The following ZAN variants were observed in gnomAD, a reference collection of about 807,000 sequenced individuals.
ZAN encodes the protein zonadhesin.
Under a neutral mutation model 286.2 loss-of-function variants are expected in ZAN, and 260 were observed. The observed-to-expected ratio is 0.91, with a 90% confidence interval of 0.82 to 1.01. ZAN has a LOEUF of 1.01. Among genes scored for constraint, ZAN ranks in the 50% least tolerant of loss-of-function variants. ZAN has a pLI of 0.00. For missense variants in ZAN, 3,410 were observed against 3,639.2 expected, an observed-to-expected ratio of 0.94 and a Z score of 1.62; for synonymous variants, 1,368 against 1,417.5, an observed-to-expected ratio of 0.97 and a Z score of 0.79.
At chr7:100,770,051 G>A (rs1321230653) in intron 28 of ZAN, 77 bp downstream of exon 28, 2 of 1,374,418 alleles carry the variant, frequency 1.5e-6, no homozygotes, top group African/African-American at 1.5e-5. Context: ...CAGGGAGGGA[G>A]AAACAACAAG....
chr7:100,755,659 C>G (rs377044445), intron 15 of ZAN, among the ~76,000 whole-genome samples: 1 of 152,176 alleles, frequency 6.6e-6, no homozygotes, highest in South Asian at 2.1e-4. Flanking sequence ...GCAGCCTCCA[C>G]TTCCCGGGCT....
At position 100,753,012 on chromosome 7, in the gene ZAN, C is replaced by T. The variant is rs1453079869; in HGVS notation, c.2907C>T (p.Pro969=). Residue 969 remains proline (P), a synonymous_variant, in exon 14 of 48, where the codon CCC becomes CCT. Coordinates refer to ENST00000613979, the MANE Select transcript of ZAN (RefSeq NM_003386.3). ...TEKPTISTEK[P]TIPTEKLTIP... ...AACCCACCATCTCCACGGAAAAACC[C>T]ACCATCCCCACGGAAAAACTTACCA... 6.2e-7 allele frequency: 1 copy of T among 1,609,660 alleles called. No individual in the cohort carries two copies. Among genetic ancestry groups the T allele is most frequent in the Non-Finnish European group, 8.5e-7 (1 of 1,177,626 alleles).
intron 28 of ZAN, among the ~76,000 whole-genome samples, chr7:100,770,245 C>T (rs1459490204): frequency 6.6e-6 from 1 of 151,594 alleles, no homozygotes; most frequent in Non-Finnish European, 1.5e-5. Context: ...TGGCTCATGC[C>T]TGTAATCCCA....
chr7:100,764,518 A>G (rs895262999), intron 22 of ZAN, among the ~76,000 whole-genome samples: 1 of 149,296 alleles, frequency 6.7e-6, no homozygotes, highest in African/African-American at 2.5e-5. Flanking sequence ...AAATAAATAA[A>G]TAAATAAATA....
rs574375825 is a variant in ZAN, at chr7:100,797,415, C to G, written c.8316C>G (p.Val2772=). Residue 2772 remains valine, a synonymous_variant, in exon 46 of 48, where the codon GTC becomes GTG. Transcript: ENST00000613979. Reference sequence around the variant, plus strand: ...TGGGACTGCTGGTGCCTGTGGTGGTCGTACTACTGGCCGTGACCAGAGAGT... The same window carrying G: ...TGGGACTGCTGGTGCCTGTGGTGGTGGTACTACTGGCCGTGACCAGAGAGT... ...VLLGLLVPVV[V]VLLAVTRECI... 1.2e-6 allele frequency: 2 copies of G among 1,613,730 alleles called. No individual in the cohort carries two copies. The highest frequency in any genetic ancestry group is 2.2e-5 in the South Asian group (2 of 91,060).
chr7:100,736,648 CA>C lies in ZAN; in HGVS notation c.253+20del, dbSNP rs1446912524. ...AACGGAGGTGAGGGGCTATGGTTTC[CA>C]GGGGACCATGAGCAGGGAGGTGGCT... On this transcript the variant is annotated intron_variant, in intron 4 of 47. Transcript: ENST00000613979. The C allele has an allele frequency of 3.3e-6, 5 of 1,520,090 alleles. 1 individual carries two copies. Among genetic ancestry groups the C allele is most frequent in the Non-Finnish European group, 4.5e-6 (5 of 1,106,950 alleles). The allele number at this position is 1,520,090 out of a possible 1,614,324, so 94.2% of individuals were successfully genotyped here. A position where few individuals can be genotyped will look rare whatever the true frequency, so the allele number is the denominator to read the frequency against.
At chr7:100,764,815 T>A (rs1584590500) in intron 22 of ZAN, among the ~76,000 whole-genome samples, 2 of 151,266 alleles carry the variant, frequency 1.3e-5, no homozygotes, top group African/African-American at 2.4e-5. Context: ...GAGGTGGAGG[T>A]TGCAGTAAGC....
Position 100,749,721 on chromosome 7 carries a change from C to CATAT in ZAN, c.1250-903_1250-902insTATA, listed in dbSNP as rs199910952. On this transcript the variant is annotated intron_variant, in intron 11 of 47. Transcript: ENST00000613979. ...ACACACATATATATATACACACACACACATATATATATATAAAGAAATAAT... is the reference window on the plus strand; with the variant it reads ...ACACACATATATATATACACACACACATATACATATATATATATAAAGAAATAAT... Among the ~76,000 whole-genome samples the CATAT allele has an allele frequency of 8.7e-4, 124 of 142,144 alleles. 2 individuals are homozygous for CATAT. The highest frequency in any genetic ancestry group is 6.4e-3 in the South Asian group (29 of 4,514). 93.3% of individuals were successfully genotyped at this position (142,144 alleles called of 152,430 possible).
chr7:100,758,734 A>G (rs919356264), intron 17 of ZAN, 84 bp downstream of exon 17: 2 of 1,518,624 alleles, frequency 1.3e-6, no homozygotes. Flanking sequence ...GGTGGCAGGA[A>G]GGGGCAGGGC....
intron 7 of ZAN, among the ~76,000 whole-genome samples, chr7:100,743,024 T>C (rs1807923141): frequency 7.5e-6 from 1 of 132,682 alleles, no homozygotes; most frequent in African/African-American, 2.8e-5. Context: ...ACTCTTTCTT[T>C]TTCTTTCTTT....
intron 39 of ZAN, among the ~76,000 whole-genome samples, 156 bp downstream of exon 39, chr7:100,789,503 G>T (rs1811796488): frequency 6.6e-6 from 1 of 152,194 alleles, no homozygotes; most frequent in South Asian, 2.1e-4. Flanking sequence ...GGTGAGACCA[G>T]GTGGAGAGCA....
Position 100,760,483 on chromosome 7 carries a change from C to T in ZAN, c.3789C>T (p.Phe1263=), listed in dbSNP as rs772089134. The T allele has an allele frequency of 1.4e-5, 23 of 1,613,832 alleles. No individual in the cohort carries two copies. Among genetic ancestry groups the T allele is most frequent in the East Asian group, 8.9e-5 (4 of 44,896 alleles). Reference sequence around the variant, plus strand: ...GGTTTGTGGAGCTGCAGACGGAGTTCGGTTTGCGGGTGAGATGGGATGGTG... The same window carrying T: ...GGTTTGTGGAGCTGCAGACGGAGTTTGGTTTGCGGGTGAGATGGGATGGTG... ...SGRFVELQTE[F]GLRVRWDGDQ... is the part of the protein sequence containing the mutation. The change falls in exon 19 of 48, where the codon TTC becomes TTT. Residue 1263 remains phenylalanine (F), a synonymous_variant. Transcript: ENST00000613979.
chr7:100,771,573 A>G lies in ZAN; in HGVS notation c.5249-271A>G, dbSNP rs150992553. Among the ~76,000 whole-genome samples the G allele has an allele frequency of 5.4e-3, 829 of 152,146 alleles. 7 individuals carry two copies. Among genetic ancestry groups the G allele is most frequent in the African/African-American group, 0.019 (783 of 41,514 alleles). On this transcript the variant is annotated intron_variant, in intron 28 of 47. Coordinates refer to ENST00000613979, the MANE Select transcript of ZAN (RefSeq NM_003386.3). The stretch of plus-strand genomic sequence containing the variant: ...CAACCTCCCGAGTTGCCTGGACTAC[A>G]GGTGCCCTCTACTATGCCCTGCTAA...
At chr7:100,789,153 G>C in intron 38 of ZAN, 65 bp from the exon 39 acceptor site, 1 of 1,563,500 alleles carries the variant, frequency 6.4e-7, no homozygotes, top group Non-Finnish European at 8.7e-7. Context: ...GTGAAGCCCA[G>C]CCAGGAAATG....
At chr7:100,773,976 A>C (rs1163271337) in intron 31 of ZAN, 111 bp downstream of exon 31, 5 of 1,427,036 alleles carry the variant, frequency 3.5e-6, no homozygotes, top group Non-Finnish European at 4.7e-6. Context: ...TTGACTGGTA[A>C]CTCTGCTGCA....
chr7:100,759,640 C>CATTAAAA, intron 17 of ZAN, 81 bp from the exon 18 acceptor site: 2 of 1,351,924 alleles, frequency 1.5e-6, no homozygotes, highest in Non-Finnish European at 9.6e-7. Context: ...TCTCTCCCTG[C>CATTAAAA]GGCGCCAGGC....
chr7:100,761,551 T>C (rs1809580564), intron 19 of ZAN, among the ~76,000 whole-genome samples: 1 of 152,066 alleles, frequency 6.6e-6, no homozygotes, highest in Admixed American at 6.6e-5. Context: ...GGAGAATCGC[T>C]TGAACCCAGG....
chr7:100,792,566 T>C (rs1812059396), intron 42 of ZAN, 87 bp downstream of exon 42: 1 of 1,584,432 alleles, frequency 6.3e-7, no homozygotes, highest in South Asian at 1.1e-5. Context: ...CCCCTCCCTG[T>C]GCCGACCCTG....
intron 22 of ZAN, 118 bp from the exon 23 acceptor site, chr7:100,765,234 C>T: frequency 3.4e-6 from 4 of 1,179,416 alleles, no homozygotes; most frequent in East Asian, 2.6e-5. Context: ...GTCACTCTCT[C>T]TTCTCGAGAT....
Sources: allele counts gnomAD v4.1 joint callset (sites outside exome capture counted in the v4.1 genomes callset), GRCh38; gene constraint gnomAD v4.1.1; transcripts MANE v1.5; gene names NCBI Gene and HGNC (gene_info 2026-07-23, HGNC 2026-07-21).